PPARD: variants seen among roughly 807,000 people sequenced by gnomAD.
PPARD encodes the protein peroxisome proliferator activated receptor delta, also known as peroxisome proliferator-activated receptor delta.
In PPARD, 6 loss-of-function variants were observed where a neutral mutation model predicts 39.5. That is an observed-to-expected ratio of 0.15 (90% CI 0.08 to 0.30). PPARD has a LOEUF of 0.30. Among genes scored for constraint, PPARD ranks in the 10% least tolerant of loss-of-function variants. The pLI is 1.00. For missense variants in PPARD, 397 were observed against 596.8 expected, an observed-to-expected ratio of 0.67 and a Z score of 3.49; for synonymous variants, 210 against 231.3, an observed-to-expected ratio of 0.91 and a Z score of 0.83.
chr6:35,414,913 C>G (rs1382994307), intron 3 of PPARD, among the ~76,000 whole-genome samples: 1 of 152,148 alleles, frequency 6.6e-6, no homozygotes, highest in African/African-American at 2.4e-5. Flanking sequence ...ACCCTCCCCC[C>G]AGCCAGGCAG....
rs1762049525 is a variant in PPARD at position 35,363,871 on chromosome 6, T to A, written c.-102+16721T>A. Among the ~76,000 whole-genome samples, 2 of 151,706 alleles carry A rather than the reference T, an allele frequency of 1.3e-5. No individual in the cohort carries two copies. The highest frequency in any genetic ancestry group is 2.4e-5 in the African/African-American group (1 of 41,330). On this transcript the variant is annotated intron_variant, in intron 2 of 7. Coordinates refer to ENST00000360694, the MANE Select transcript of PPARD (RefSeq NM_006238.5). This position sits in a 1 kb window ranked among gnomAD's most constrained non-coding sequence, Gnocchi z 4.5. ...GTTCACATAACCAAATTCACCACTT[T>A]AAAGTGTGTACTTTGATGGTTTTTG...
chr6:35,422,580 G>GACACAA lies in PPARD; in HGVS notation c.424+622_424+623insACACAA, dbSNP rs778989555. On this transcript the variant is annotated intron_variant, in intron 5 of 7. Transcript: ENST00000360694. ...CTGAGTAAGACCCCTAGAGGACAGG[G>GACACAA]GAGAGCCTCTTGTGATCTCTACAGG... Among the ~76,000 whole-genome samples, 378 of 152,266 alleles carry GACACAA rather than the reference G, an allele frequency of 2.5e-3. 1 individual carries two copies. The highest frequency in any genetic ancestry group is 4.0e-3 in the Non-Finnish European group (272 of 68,010).
rs1014869193 is a variant in PPARD, at chr6:35,404,738, A to G, written c.-101-6249A>G. On this transcript the variant is annotated intron_variant, in intron 2 of 7. Transcript: ENST00000360694. ...GGAAGGACTGGGCCCCAGGTGGCTT[A>G]GTTGCTCTGGCCCCAGACCAGGTCT... 2.0e-5 allele frequency among the ~76,000 whole-genome samples: 3 copies of G among 152,210 alleles called. 1 individual carries two copies. In the South Asian group the frequency reaches 6.2e-4, roughly 32 times the overall value.
intron 2 of PPARD, among the ~76,000 whole-genome samples, chr6:35,371,623 C>T (rs1209955891): frequency 1.3e-5 from 2 of 152,160 alleles, no homozygotes; most frequent in Non-Finnish European, 2.9e-5. Flanking sequence ...TCGTTCCTCC[C>T]GTTCTTTTGA....
At chr6:35,381,329 C>T (rs919254528) in intron 2 of PPARD, among the ~76,000 whole-genome samples, 8 of 152,110 alleles carry the variant, frequency 5.3e-5, no homozygotes, top group South Asian at 2.1e-4. Flanking sequence ...TGTAGGTCAG[C>T]GATGAGTAAT....
chr6:35,384,592 G>A (rs1405809780), intron 2 of PPARD, among the ~76,000 whole-genome samples: 5 of 82,116 alleles, frequency 6.1e-5, no homozygotes, highest in Admixed American at 2.0e-4. Context: ...CCGGCCAGCC[G>A]CCCCATCCGG....
intron 2 of PPARD, among the ~76,000 whole-genome samples, chr6:35,385,871 G>C (rs1301147354): frequency 6.6e-6 from 1 of 152,066 alleles, no homozygotes; most frequent in East Asian, 1.9e-4. Context: ...CGGATGGATT[G>C]AGCAGGGAAG....
At chr6:35,383,637 C>T (rs1442464611) in intron 2 of PPARD, among the ~76,000 whole-genome samples, 3 of 133,704 alleles carry the variant, frequency 2.2e-5, no homozygotes, top group Admixed American at 6.9e-5. Context: ...CGTCTCTGCC[C>T]GGCCGCCCAT....
At chr6:35,394,143 GT>G (rs1764175908) in intron 2 of PPARD, among the ~76,000 whole-genome samples, 1 of 152,170 alleles carries the variant, frequency 6.6e-6, no homozygotes, top group Non-Finnish European at 1.5e-5. Flanking sequence ...TCTTAGACTG[GT>G]TTCCCCTCCC....
At chr6:35,365,540 G>A (rs1762168591) in intron 2 of PPARD, among the ~76,000 whole-genome samples, 1 of 150,294 alleles carries the variant, frequency 6.7e-6, no homozygotes, top group Admixed American at 6.6e-5. Flanking sequence ...CACCCAGGCT[G>A]GAGTGCAGTG....
At chr6:35,373,330 G>A (rs1649842804) in intron 2 of PPARD, among the ~76,000 whole-genome samples, 1 of 152,156 alleles carries the variant, frequency 6.6e-6, no homozygotes, top group South Asian at 2.1e-4. Flanking sequence ...TTGAACACAT[G>A]CCTGACTCTT....
At chr6:35,396,596 C>T (rs1241052342) in intron 2 of PPARD, among the ~76,000 whole-genome samples, 3 of 148,594 alleles carry the variant, frequency 2.0e-5, no homozygotes, top group Non-Finnish European at 3.0e-5. Context: ...TTTGGGAGGC[C>T]GAGGCGGGCA....
intron 5 of PPARD, among the ~76,000 whole-genome samples, chr6:35,423,659 G>A (rs548562265): frequency 2.0e-5 from 3 of 152,192 alleles, no homozygotes; most frequent in Admixed American, 6.5e-5. Flanking sequence ...CCCAGCTAGC[G>A]TAGCTCAGTC....
chr6:35,387,218 T>C (rs975460913), intron 2 of PPARD, among the ~76,000 whole-genome samples: 2 of 151,898 alleles, frequency 1.3e-5, no homozygotes, highest in African/African-American at 2.4e-5. Context: ...GCTCACAGGA[T>C]GTTTTCTTCT....
rs1045090809 is a variant in PPARD at position 35,401,820 on chromosome 6, A to C, written c.-101-9167A>C. 3.9e-5 allele frequency among the ~76,000 whole-genome samples: 6 copies of C among 152,196 alleles called. No individual in the cohort carries two copies. The highest frequency in any genetic ancestry group is 8.8e-5 in the Non-Finnish European group (6 of 68,032). On this transcript the variant is annotated intron_variant, in intron 2 of 7. Coordinates refer to ENST00000360694, the MANE Select transcript of PPARD (RefSeq NM_006238.5). This position sits in a 1 kb window ranked among gnomAD's most constrained non-coding sequence, Gnocchi z 4.1. ...AAATATTTGTTGAACAAGTGAATGAAACCAGCTGGCAGGGACCAGAAGGGC... is the reference window on the plus strand; with the variant it reads ...AAATATTTGTTGAACAAGTGAATGACACCAGCTGGCAGGGACCAGAAGGGC...
At chr6:35,388,114 C>G (rs1763785911) in intron 2 of PPARD, among the ~76,000 whole-genome samples, 1 of 151,178 alleles carries the variant, frequency 6.6e-6, no homozygotes, top group Admixed American at 6.6e-5. Context: ...TAGCTGTTTT[C>G]CAGTGCGATC....
At position 35,401,664 on chromosome 6, in the gene PPARD, A is replaced by G. The variant is rs1764702593; in HGVS notation, c.-101-9323A>G. 6.6e-6 allele frequency among the ~76,000 whole-genome samples: 1 copy of G among 152,210 alleles called. No homozygotes were observed. Among genetic ancestry groups the G allele is most frequent in the Admixed American group, 6.5e-5 (1 of 15,278 alleles). Reference sequence around the variant, plus strand: ...GGGCCAGAGGCTACGTAAGGTCCTCAGGAAAGCGTCTCCTGGCCACTCGCA... The same window carrying G: ...GGGCCAGAGGCTACGTAAGGTCCTCGGGAAAGCGTCTCCTGGCCACTCGCA... On this transcript the variant is annotated intron_variant, in intron 2 of 7. Transcript: ENST00000360694. The surrounding 1 kb of genome is among the most constrained non-coding windows in gnomAD (Gnocchi z 4.1).
intron 1 of PPARD, among the ~76,000 whole-genome samples, chr6:35,346,640 A>G (rs777725059): frequency 6.6e-6 from 1 of 152,080 alleles, no homozygotes; most frequent in East Asian, 1.9e-4. Context: ...TTTCAGACAT[A>G]TGGGTCTTCT....
intron 2 of PPARD, among the ~76,000 whole-genome samples, chr6:35,354,137 CAGG>C (rs1761421756): frequency 7.0e-6 from 1 of 143,698 alleles, no homozygotes; most frequent in Non-Finnish European, 1.5e-5. Flanking sequence ...GAGGCTGAGG[CAGG>C]AGAATGGCAT....
Sources: gnomAD v4.1 joint callset for allele counts (sites outside exome capture counted in the v4.1 genomes callset) on GRCh38, gnomAD v4.1.1 for gene constraint, Gnocchi (gnomAD v3.1) non-coding constraint, MANE v1.5 for transcripts, NCBI Gene and HGNC (gene_info 2026-07-23, HGNC 2026-07-21) for gene names.